Variants in NRG3 observed in about 807,000 individuals in gnomAD.
NRG3 encodes pro-neuregulin-3, membrane-bound isoform.
A neutral mutation model predicts 66.9 loss-of-function variants in NRG3; 31 were observed. The observed-to-expected ratio is 0.46, with a 90% CI of 0.35 to 0.63. The LOEUF (loss-of-function observed/expected upper bound fraction) is 0.63, where lower values mean the gene tolerates loss of function less well. NRG3 is among the 20% of genes least tolerant of loss of function. The pLI, the probability that NRG3 is intolerant of heterozygous loss-of-function variation, is 0.00. For synonymous variants in NRG3, 393 were observed against 359.4 expected (o/e 1.09, Z -1.06); for missense variants, 910 against 878.9 (o/e 1.04, Z -0.45).
At chr10:82,970,174 A>C (rs1197852204) in intron 6 of NRG3, among the ~76,000 whole-genome samples, 2 of 152,242 alleles carry the variant, frequency 1.3e-5, no homozygotes, top group Non-Finnish European at 2.9e-5. Context: ...TTCTAAAAGT[A>C]ATATTTTGGA....
At chr10:82,364,312 A>C (rs2084380969) in intron 2 of NRG3, among the ~76,000 whole-genome samples, 1 of 152,194 alleles carries the variant, frequency 6.6e-6, no homozygotes, top group African/African-American at 2.4e-5. Flanking sequence ...TTTTTATAAT[A>C]ATTCTTTTTC....
rs573316239 is a variant in NRG3 at position 82,271,823 on chromosome 10, C to T, written c.824-86916C>T. Among the ~76,000 whole-genome samples the T allele has an allele frequency of 3.9e-5, 6 of 152,148 alleles. No individual in the cohort carries two copies. The South Asian group carries it at 1.2e-3, about 32-fold the overall frequency. On this transcript the variant is annotated intron_variant, in intron 1 of 8. Transcript: ENST00000372141. ...CTCTCTTAGATTATCACACTTTATA[C>T]CTTAGATATTTTGGCTTATCTTGTT...
At chr10:82,222,659 G>A (rs2075996559) in intron 1 of NRG3, among the ~76,000 whole-genome samples, 2 of 151,398 alleles carry the variant, frequency 1.3e-5, no homozygotes, top group African/African-American at 4.8e-5. Context: ...CTCCTTTTAA[G>A]AATAACAAGT....
intron 2 of NRG3, among the ~76,000 whole-genome samples, chr10:82,376,197 C>A (rs952512729): frequency 3.9e-5 from 6 of 152,152 alleles, no homozygotes; most frequent in African/African-American, 1.4e-4. Context: ...GGCTTTACAC[C>A]GGAGCTCTTC....
chr10:82,468,923 G>A (rs909690702), intron 2 of NRG3, among the ~76,000 whole-genome samples: 19 of 151,876 alleles, frequency 1.3e-4, no homozygotes, highest in Non-Finnish European at 2.8e-4. Context: ...GACAATGGGA[G>A]AAAAAAACAA....
chr10:82,903,242 G>C (rs945705503), intron 4 of NRG3, among the ~76,000 whole-genome samples: 1 of 152,038 alleles, frequency 6.6e-6, no homozygotes, highest in African/African-American at 2.4e-5. Flanking sequence ...TTGCTATCGT[G>C]GTGAGCCCAA....
intron 2 of NRG3, among the ~76,000 whole-genome samples, chr10:82,709,442 C>T (rs970978586): frequency 6.6e-5 from 10 of 151,694 alleles, no homozygotes; most frequent in Non-Finnish European, 1.2e-4. Context: ...AGTGCTGTGG[C>T]GCGATCTTGG....
At chr10:82,787,902 A>G (rs996569921) in intron 3 of NRG3, among the ~76,000 whole-genome samples, 27 of 152,174 alleles carry the variant, frequency 1.8e-4, no homozygotes, top group East Asian at 3.9e-4. Flanking sequence ...TACTTATCAA[A>G]GGCTACTCCA....
chr10:82,457,724 A>G (rs112177190), intron 2 of NRG3, among the ~76,000 whole-genome samples: 13 of 152,312 alleles, frequency 8.5e-5, no homozygotes, highest in Non-Finnish European at 1.6e-4. Context: ...CACTGGGAGC[A>G]CAGAAGATCC....
chr10:82,661,038 T>A (rs1269733652), intron 2 of NRG3, among the ~76,000 whole-genome samples: 4 of 152,224 alleles, frequency 2.6e-5, no homozygotes, highest in East Asian at 1.9e-4. Flanking sequence ...TTTTCCTAAA[T>A]CATGCAGGCA....
chr10:82,134,722 G>C (rs1256803818), intron 1 of NRG3, among the ~76,000 whole-genome samples: 1 of 151,956 alleles, frequency 6.6e-6, no homozygotes, highest in African/African-American at 2.4e-5. Context: ...TTTTTGCTTA[G>C]GATTGCCTTG....
chr10:82,640,235 A>G (rs748583182), intron 2 of NRG3, among the ~76,000 whole-genome samples: 6 of 152,240 alleles, frequency 3.9e-5, no homozygotes, highest in Non-Finnish European at 8.8e-5. Context: ...CACTATTCAC[A>G]ATAGCAAAGA....
At chr10:82,259,469 C>A (rs929987853) in intron 1 of NRG3, among the ~76,000 whole-genome samples, 1 of 152,134 alleles carries the variant, frequency 6.6e-6, no homozygotes, top group Non-Finnish European at 1.5e-5. Context: ...ATTCCAGCAC[C>A]TACACTCCTC....
At chr10:82,583,019 G>T (rs2046454080) in intron 2 of NRG3, among the ~76,000 whole-genome samples, 1 of 152,086 alleles carries the variant, frequency 6.6e-6, no homozygotes, top group Admixed American at 6.6e-5. Context: ...GACAGATAAG[G>T]AATTGAAATA....
intron 1 of NRG3, among the ~76,000 whole-genome samples, chr10:82,226,117 C>T (rs2076152495): frequency 6.6e-6 from 1 of 152,112 alleles, no homozygotes; most frequent in South Asian, 2.1e-4. Flanking sequence ...AAAAGGCAAA[C>T]TTCCAAACAA....
chr10:81,875,310 G>C lies in NRG3; in HGVS notation c.-31G>C, dbSNP rs1010955299. The stretch of plus-strand genomic sequence containing the variant: ...GCCCCATGCCTCTGCCGCGGCCCTC[G>C]GGGGGGCGAAGGTGAAGACCGGCTC... On this transcript the variant is annotated 5_prime_UTR_variant, in exon 1 of 9. Coordinates refer to ENST00000372141, the MANE Select transcript of NRG3 (RefSeq NM_001010848.4). The surrounding 1 kb of genome is among the most constrained non-coding windows in gnomAD (Gnocchi z 5.3). 5 of 982,680 alleles carry C rather than the reference G, an allele frequency of 5.1e-6. No homozygotes were observed. The highest frequency in any genetic ancestry group is 1.8e-5 in the African/African-American group (1 of 56,482). 60.9% of individuals were successfully genotyped at this position (982,680 alleles called of 1,614,324 possible). A position where few individuals can be genotyped will look rare whatever the true frequency, so the allele number is the denominator to read the frequency against.
At chr10:82,153,746 A>C (rs937714587) in intron 1 of NRG3, among the ~76,000 whole-genome samples, 2 of 151,968 alleles carry the variant, frequency 1.3e-5, no homozygotes, top group African/African-American at 4.8e-5. Flanking sequence ...TACTTTTGAT[A>C]TTAGCTATCC....
intron 2 of NRG3, among the ~76,000 whole-genome samples, chr10:82,439,812 A>T (rs1001343137): frequency 6.6e-6 from 1 of 151,892 alleles, no homozygotes; most frequent in Non-Finnish European, 1.5e-5. Flanking sequence ...CTAGTATTTC[A>T]CTTTCAATTT....
intron 2 of NRG3, among the ~76,000 whole-genome samples, chr10:82,685,831 G>C (rs2054469735): frequency 6.6e-6 from 1 of 151,976 alleles, no homozygotes. Context: ...CTTAAAAGCT[G>C]AGATATAACC....
Sources: allele counts gnomAD v4.1 joint callset (sites outside exome capture counted in the v4.1 genomes callset), GRCh38; gene constraint gnomAD v4.1.1; non-coding constraint Gnocchi (gnomAD v3.1); transcripts MANE v1.5; gene names NCBI Gene and HGNC (gene_info 2026-07-23, HGNC 2026-07-21).